Variants in IARS2 observed in about 807,000 individuals in gnomAD.
IARS2 encodes the protein isoleucine--tRNA ligase, mitochondrial.
IARS2 carries 56 observed loss-of-function variants against 126.3 expected under a neutral mutation model. The observed-to-expected ratio is 0.44, with a 90% CI of 0.36 to 0.55. The LOEUF (loss-of-function observed/expected upper bound fraction) is 0.55. Ranked by LOEUF, IARS2 falls within the 20% of genes least tolerant of loss-of-function variation. The pLI, the probability that IARS2 is intolerant of heterozygous loss-of-function variation, is 0.00. For missense variants in IARS2, 1,127 were observed against 1,245.9 expected, an observed-to-expected ratio of 0.90 and a Z score of 1.44; for synonymous variants, 407 against 441.1, an observed-to-expected ratio of 0.92 and a Z score of 0.97.
chr1:220,100,116 A>G (rs905511242), intron 2 of IARS2, among the ~76,000 whole-genome samples: 6 of 152,202 alleles, frequency 3.9e-5, no homozygotes, highest in African/African-American at 1.4e-4. Context: ...AATGAATTTA[A>G]AAAGGTAAAT....
intron 14 of IARS2, among the ~76,000 whole-genome samples, chr1:220,133,077 C>G (rs1477327511): frequency 6.6e-6 from 1 of 151,362 alleles, no homozygotes; most frequent in Non-Finnish European, 1.5e-5. Context: ...GTGGCACAAT[C>G]TCTGCCCACT....
In IARS2 at chr1:220,122,151, TACTC is replaced by T. The variant is rs529261739; in HGVS notation, c.1641-3082_1641-3079del. ...TATGTTTCATCTATAGTCATAACGT[TACTC>T]ACTTTCTTTAGTTATTAGGACTTTT... On this transcript the variant is annotated intron_variant, in intron 12 of 22. Coordinates refer to ENST00000366922, the MANE Select transcript of IARS2 (RefSeq NM_018060.4). 1.1e-3 allele frequency among the ~76,000 whole-genome samples: 166 copies of T among 152,344 alleles called. 1 individual carries two copies. The highest frequency in any genetic ancestry group is 0.01 in the Middle Eastern group (3 of 294).
intron 11 of IARS2, among the ~76,000 whole-genome samples, chr1:220,111,575 G>GGT (rs956325806): frequency 9.0e-5 from 9 of 100,006 alleles, no homozygotes; most frequent in East Asian, 8.3e-4. Flanking sequence ...TTTCTATATG[G>GGT]GTATATATAT....
chr1:220,147,662 C>T lies in IARS2; in HGVS notation c.*27C>T. 1 of 1,611,620 alleles carries T rather than the reference C, an allele frequency of 6.2e-7. No individual in the cohort carries two copies. Among genetic ancestry groups the T allele is most frequent in the Non-Finnish European group, 8.5e-7 (1 of 1,178,296 alleles). ...ATTAACAGCTCACTCGAGCAAGAACCCTCCTGACAGTACTGGCTAGAAGTT... is the reference window on the plus strand; with the variant it reads ...ATTAACAGCTCACTCGAGCAAGAACTCTCCTGACAGTACTGGCTAGAAGTT... On this transcript the variant is annotated 3_prime_UTR_variant, in exon 23 of 23. Coordinates refer to ENST00000366922, the MANE Select transcript of IARS2 (RefSeq NM_018060.4).
intron 10 of IARS2, among the ~76,000 whole-genome samples, chr1:220,108,242 A>G (rs563755781): frequency 1.3e-5 from 2 of 151,832 alleles, no homozygotes; most frequent in Middle Eastern, 3.4e-3. Context: ...TTGTATTTTT[A>G]GTAGAGATGG....
At chr1:220,140,067 G>A in intron 18 of IARS2, 116 bp from the exon 19 acceptor site, 1 of 682,192 alleles carries the variant, frequency 1.5e-6, no homozygotes. Context: ...CATATTGCCT[G>A]TTTTGTATTT....
At chr1:220,144,138 C>G in intron 21 of IARS2, 1 of 813,250 alleles carries the variant, frequency 1.2e-6, no homozygotes, top group Non-Finnish European at 2.2e-6. Context: ...TGTCTCCACA[C>G]TTGTTTAGCC....
chr1:220,100,126 T>C (rs149060956), intron 2 of IARS2, among the ~76,000 whole-genome samples: 9 of 152,258 alleles, frequency 5.9e-5, no homozygotes, highest in African/African-American at 2.2e-4. Context: ...AAAAGGTAAA[T>C]TGGTTCTAGA....
chr1:220,125,390 T>C (rs376697157), intron 13 of IARS2, 51 bp downstream of exon 13: 12 of 1,099,730 alleles, frequency 1.1e-5, no homozygotes, highest in Admixed American at 5.8e-5. Flanking sequence ...CAGGACTTAA[T>C]GACAACATGA....
intron 21 of IARS2, 35 bp downstream of exon 21, chr1:220,143,169 A>G: frequency 6.7e-7 from 1 of 1,497,600 alleles, no homozygotes; most frequent in Non-Finnish European, 9.1e-7. Flanking sequence ...AAATGGTGTT[A>G]GTATCATAGA....
rs1656604205 is a variant in IARS2 at position 220,102,784 on chromosome 1, A to G, written c.950+7A>G. On this transcript the variant is annotated splice_region_variant and intron_variant, in intron 7 of 22. Coordinates refer to ENST00000366922, the MANE Select transcript of IARS2 (RefSeq NM_018060.4). ...GCTATATGCCTGAATCAAAGTGGGT[A>G]TATTATTGCATTTTTTGTTTTATAC... is the stretch of plus-strand genomic sequence containing the variant. 6.5e-7 allele frequency: 1 copy of G among 1,544,836 alleles called. No homozygotes were observed. The highest frequency in any genetic ancestry group is 1.4e-5 in the African/African-American group (1 of 73,376).
chr1:220,114,481 T>C lies in IARS2; in HGVS notation c.1640+7T>C, dbSNP rs1236847573. ...ATGAATACTTGATCAACAGGTAGAA[T>C]GCTTTCTAAAATTTTTTAGTGTTTT... On this transcript the variant is annotated splice_region_variant and intron_variant, in intron 12 of 22. Transcript: ENST00000366922. 6.3e-7 allele frequency: 1 copy of C among 1,587,862 alleles called. No homozygotes were observed. Among genetic ancestry groups the C allele is most frequent in the Non-Finnish European group, 8.5e-7 (1 of 1,171,774 alleles).
intron 12 of IARS2, chr1:220,118,139 C>T (rs761615738): frequency 1.4e-5 from 7 of 489,362 alleles, no homozygotes; most frequent in Non-Finnish European, 3.0e-5. Flanking sequence ...CTTTATTATA[C>T]CTTTATATTG....
intron 3 of IARS2, 104 bp downstream of exon 3, chr1:220,100,753 C>G: frequency 2.4e-6 from 2 of 828,614 alleles, no homozygotes; most frequent in Non-Finnish European, 3.7e-6. Flanking sequence ...GTTTCGTTTG[C>G]TTATAATAAG....
intron 1 of IARS2, among the ~76,000 whole-genome samples, chr1:220,095,232 T>A (rs1191014647): frequency 1.3e-5 from 2 of 152,008 alleles, no homozygotes; most frequent in Admixed American, 6.6e-5. Flanking sequence ...AGAGATGGAG[T>A]TTCACCATGT....
chr1:220,141,241 C>T (rs940105215), intron 19 of IARS2, among the ~76,000 whole-genome samples: 1 of 152,154 alleles, frequency 6.6e-6, no homozygotes, highest in Non-Finnish European at 1.5e-5. Flanking sequence ...CTCAGGAGTT[C>T]TCAAATCCTG....
intron 11 of IARS2, among the ~76,000 whole-genome samples, chr1:220,113,775 G>C (rs1440758305): frequency 6.6e-6 from 1 of 152,214 alleles, no homozygotes; most frequent in Non-Finnish European, 1.5e-5. Context: ...CTACCAAAAT[G>C]CTGGGATTAC....
At position 220,096,208 on chromosome 1, in the gene IARS2, T is replaced by G; in HGVS notation, c.372T>G (p.Val124=). Residue 124 remains valine (V), a synonymous_variant, in exon 2 of 23, where the codon GTT becomes GTG. Transcript: ENST00000366922. ...GPPYANGDPH[V]GHALNKILKD... ...CTTATGCAAACGGTGACCCTCATGT[T>G]GGACATGCTTTAAATAAGGTAACTA... 6.3e-7 allele frequency: 1 copy of G among 1,582,754 alleles called. No individual in the cohort carries two copies. Among genetic ancestry groups the G allele is most frequent in the Non-Finnish European group, 8.6e-7 (1 of 1,165,538 alleles).
Position 220,147,567 on chromosome 1 carries a change from T to G in IARS2, c.2971T>G (p.Trp991Gly). Residue 991 changes from tryptophan (W) to glycine (G), a missense_variant, in exon 23 of 23, where the codon TGG (tryptophan) becomes GGG (glycine). By Grantham distance (184) the Trp-to-Gly change is radical. Coordinates refer to ENST00000366922, the MANE Select transcript of IARS2 (RefSeq NM_018060.4). ...PTTKEKCPRC[W>G]KYTAESSDTL... ...TACGAAAGAAAAATGCCCCCGTTGT[T>G]GGAAGTATACAGCGGAGTCTTCAGA... The G allele has an allele frequency of 6.2e-7, 1 of 1,614,150 alleles. No individual in the cohort carries two copies. The highest frequency in any genetic ancestry group is 8.5e-7 in the Non-Finnish European group (1 of 1,179,982).
Sources: gnomAD v4.1 joint callset for allele counts (sites outside exome capture counted in the v4.1 genomes callset) on GRCh38, gnomAD v4.1.1 for gene constraint, MANE v1.5 for transcripts, NCBI Gene and HGNC (gene_info 2026-07-23, HGNC 2026-07-21) for gene names.